The following CFAP20DC variants were observed in gnomAD, a reference collection of about 807,000 sequenced individuals.
CFAP20DC encodes protein CFAP20DC.
Under a neutral mutation model 101.7 loss-of-function variants are expected in CFAP20DC, and 84 were observed. That is an observed-to-expected ratio of 0.83 (90% CI 0.69 to 0.99). The LOEUF (loss-of-function observed/expected upper bound fraction) is 0.99. Ranked by LOEUF, CFAP20DC falls within the 50% of genes least tolerant of loss-of-function variation. The pLI, the probability that CFAP20DC is intolerant of heterozygous loss-of-function variation, is 0.00. For synonymous variants in CFAP20DC, 359 were observed against 351.2 expected, an observed-to-expected ratio of 1.02 and a Z score of -0.25; for missense variants, 1,007 against 970.3, an observed-to-expected ratio of 1.04 and a Z score of -0.50.
chr3:58,922,212 T>C (rs745546721), intron 5 of CFAP20DC, among the ~76,000 whole-genome samples: 9 of 152,360 alleles, frequency 5.9e-5, no homozygotes, highest in Non-Finnish European at 1.3e-4. Context: ...TTTGATACGT[T>C]TGAGTTGAAG....
chr3:58,927,943 G>A (rs1029628063), intron 5 of CFAP20DC, among the ~76,000 whole-genome samples: 6 of 152,160 alleles, frequency 3.9e-5, no homozygotes, highest in African/African-American at 7.2e-5. Context: ...TGGATTGGGA[G>A]GAATGAGAGC....
Position 59,047,237 on chromosome 3 carries a change from T to C in CFAP20DC, c.39A>G (p.Glu13=). ...KNEYQGGAFV[E]IFSAQGKNPG... ...GATTTTTTCCTTGAGCACTGAAAAT[T>C]TCAACAAATGCACCTCCCTAGAAAA... The change falls in exon 2 of 17, where the codon GAA becomes GAG. Residue 13 remains glutamate, a synonymous_variant. Transcript: ENST00000482387. The C allele has an allele frequency of 6.5e-7, 1 of 1,533,778 alleles. No homozygotes were observed. The highest frequency in any genetic ancestry group is 8.7e-7 in the Non-Finnish European group (1 of 1,144,936).
chr3:58,762,063 C>T (rs1575577210), intron 15 of CFAP20DC, among the ~76,000 whole-genome samples: 1 of 152,132 alleles, frequency 6.6e-6, no homozygotes, highest in African/African-American at 2.4e-5. Context: ...CTGCTTGGTG[C>T]AGAGCTGAGT....
At chr3:58,927,088 T>A (rs2086068866) in intron 5 of CFAP20DC, among the ~76,000 whole-genome samples, 1 of 152,186 alleles carries the variant, frequency 6.6e-6, no homozygotes, top group Non-Finnish European at 1.5e-5. Context: ...TTTTTAAAAT[T>A]GTTCTTGCCA....
chr3:58,809,551 C>T (rs1012220524), intron 14 of CFAP20DC, among the ~76,000 whole-genome samples: 16 of 151,870 alleles, frequency 1.1e-4, no homozygotes, highest in African/African-American at 3.9e-4. Flanking sequence ...GCATTCAAAG[C>T]AGTGTGTAGA....
intron 6 of CFAP20DC, among the ~76,000 whole-genome samples, chr3:58,887,116 AT>A (rs1272189267): frequency 1.3e-5 from 2 of 152,242 alleles, no homozygotes; most frequent in Non-Finnish European, 2.9e-5. Context: ...CAGCAATGCA[AT>A]GATTTCTAAA....
At chr3:59,032,311 T>G (rs939420881) in intron 4 of CFAP20DC, among the ~76,000 whole-genome samples, 4 of 152,116 alleles carry the variant, frequency 2.6e-5, no homozygotes, top group Non-Finnish European at 5.9e-5. Context: ...AGTTTTTTTT[T>G]CATATCCCAG....
At chr3:58,968,118 G>A (rs541353454) in intron 4 of CFAP20DC, among the ~76,000 whole-genome samples, 68 of 152,276 alleles carry the variant, frequency 4.5e-4, no homozygotes, top group African/African-American at 1.5e-3. Context: ...TCACTGATGG[G>A]CATTTAGGTT....
Position 59,049,717 on chromosome 3 carries a change from C to A in CFAP20DC, c.-86G>T. ...ACCCTGACGGCTGGAAATCGGCTGG[C>A]GGGAACCCAGGAGCCCGACGGGTGG... On this transcript the variant is annotated 5_prime_UTR_variant, in exon 1 of 17. Coordinates refer to ENST00000482387, the MANE Select transcript of CFAP20DC (RefSeq NM_001394063.1). 2 of 1,496,380 alleles carry A rather than the reference C, an allele frequency of 1.3e-6. No homozygotes were observed. Among genetic ancestry groups the A allele is most frequent in the South Asian group, 2.5e-5 (2 of 79,970 alleles). 92.7% of individuals were successfully genotyped at this position (1,496,380 alleles called of 1,614,324 possible).
At chr3:59,021,330 C>T (rs1037545180) in intron 4 of CFAP20DC, among the ~76,000 whole-genome samples, 4 of 151,950 alleles carry the variant, frequency 2.6e-5, no homozygotes, top group African/African-American at 4.8e-5. Context: ...CTGACTACAA[C>T]GAAAAATTTC....
intron 2 of CFAP20DC, 78 bp from the exon 3 acceptor site, chr3:59,046,400 T>C (rs927121545): frequency 1.1e-6 from 1 of 895,076 alleles, no homozygotes; most frequent in African/African-American, 1.7e-5. Flanking sequence ...ACTTCAGATC[T>C]ACAGGGAAAA....
At chr3:58,759,967 A>C (rs939114976) in intron 15 of CFAP20DC, among the ~76,000 whole-genome samples, 1 of 152,096 alleles carries the variant, frequency 6.6e-6, no homozygotes, top group Non-Finnish European at 1.5e-5. Context: ...GTCAGGTAGC[A>C]TGATGCCTCC....
chr3:58,866,812 C>A, intron 10 of CFAP20DC, 124 bp from the exon 11 acceptor site: 1 of 559,146 alleles, frequency 1.8e-6, no homozygotes. Context: ...TTAGAGGTAA[C>A]AATATGAATT....
intron 14 of CFAP20DC, among the ~76,000 whole-genome samples, chr3:58,830,852 T>C (rs559549911): frequency 1.2e-4 from 19 of 152,354 alleles, no homozygotes; most frequent in African/African-American, 4.6e-4. Context: ...GCTCTAATTA[T>C]CATTATTATA....
intron 14 of CFAP20DC, among the ~76,000 whole-genome samples, chr3:58,816,136 T>C (rs1014190807): frequency 2.2e-4 from 33 of 151,564 alleles, no homozygotes; most frequent in African/African-American, 8.0e-4. Context: ...ATAGACTGGA[T>C]TAAGAAAATG....
At chr3:58,837,670 A>G (rs2076830436) in intron 13 of CFAP20DC, among the ~76,000 whole-genome samples, 1 of 152,192 alleles carries the variant, frequency 6.6e-6, no homozygotes, top group South Asian at 2.1e-4. Context: ...TAGCAGTGAA[A>G]AAAAGTATTT....
intron 16 of CFAP20DC, among the ~76,000 whole-genome samples, chr3:58,744,197 A>G (rs899771222): frequency 6.6e-6 from 1 of 152,168 alleles, no homozygotes; most frequent in African/African-American, 2.4e-5. Context: ...CCTGTGGAAT[A>G]CGCAGGAATT....
intron 14 of CFAP20DC, among the ~76,000 whole-genome samples, chr3:58,823,461 T>C (rs1004817615): frequency 2.6e-5 from 4 of 152,136 alleles, no homozygotes; most frequent in Admixed American, 2.6e-4. Flanking sequence ...TAGCGGCGAT[T>C]GACATTTATT....
intron 7 of CFAP20DC, 133 bp downstream of exon 7, chr3:58,884,411 TA>T (rs1015884262): frequency 5.6e-6 from 4 of 720,538 alleles, no homozygotes; most frequent in Non-Finnish European, 6.8e-6. Flanking sequence ...CCTGGCGTGG[TA>T]TGTGGCAAGT....
Sources: gnomAD v4.1 joint callset for allele counts (sites outside exome capture counted in the v4.1 genomes callset) on GRCh38, gnomAD v4.1.1 for gene constraint, MANE v1.5 for transcripts, NCBI Gene and HGNC (gene_info 2026-07-23, HGNC 2026-07-21) for gene names.